The following EPHA6 variants were observed in gnomAD, a reference collection of about 807,000 sequenced individuals.
EPHA6 encodes ephrin type-A receptor 6.
A neutral mutation model predicts 112.0 loss-of-function variants in EPHA6; 50 were observed. That is an observed-to-expected ratio of 0.45 (90% CI 0.36 to 0.56). The LOEUF (loss-of-function observed/expected upper bound fraction) is 0.56, where lower values mean the gene tolerates loss of function less well. Among genes scored for constraint, EPHA6 ranks in the 20% least tolerant of loss-of-function variants. The pLI, the probability that EPHA6 is intolerant of heterozygous loss-of-function variation, is 0.00. For synonymous variants in EPHA6, 529 were observed against 490.7 expected (o/e 1.08, Z -1.03); for missense variants, 1,280 against 1,417.4 (o/e 0.90, Z 1.56).
chr3:97,201,009 G>T (rs184494534), intron 3 of EPHA6, among the ~76,000 whole-genome samples: 20 of 152,210 alleles, frequency 1.3e-4, no homozygotes, highest in African/African-American at 4.8e-4. Flanking sequence ...AATTACAGAT[G>T]AATTATAATG....
chr3:97,215,323 T>TTG (rs1012162212), intron 3 of EPHA6, among the ~76,000 whole-genome samples: 55 of 152,018 alleles, frequency 3.6e-4, no homozygotes, highest in African/African-American at 1.3e-3. Flanking sequence ...GAGACATACT[T>TTG]TGTGTGTGTG....
chr3:96,907,519 C>T (rs1304838756), intron 2 of EPHA6, among the ~76,000 whole-genome samples: 1 of 151,328 alleles, frequency 6.6e-6, no homozygotes, highest in African/African-American at 2.4e-5. Context: ...TTATAATTGC[C>T]TTAGTTTTAT....
intron 8 of EPHA6, 28 bp downstream of exon 8, chr3:97,475,488 G>T: frequency 6.8e-7 from 1 of 1,467,070 alleles, no homozygotes; most frequent in South Asian, 1.2e-5. Flanking sequence ...TACTATTTCC[G>T]AGATTTATGA....
In EPHA6 at chr3:96,826,227, G is replaced by A. The variant is rs2033649689; in HGVS notation, c.385+11219G>A. On this transcript the variant is annotated intron_variant, in intron 1 of 17. Transcript: ENST00000389672. ...TGATAGTAGATTATTTACTTAGGCTGTCAGAATCTGACTTATAACCAGACT... is the reference window on the plus strand; with the variant it reads ...TGATAGTAGATTATTTACTTAGGCTATCAGAATCTGACTTATAACCAGACT... Among the ~76,000 whole-genome samples the A allele has an allele frequency of 2.0e-5, 3 of 151,954 alleles. No individual in the cohort carries two copies. In the South Asian group the frequency reaches 6.2e-4, roughly 31 times the overall value.
At chr3:97,721,328 T>G (rs2034517723) in intron 15 of EPHA6, among the ~76,000 whole-genome samples, 1 of 152,166 alleles carries the variant, frequency 6.6e-6, no homozygotes, top group Non-Finnish European at 1.5e-5. Context: ...ACTATCCCAA[T>G]CTCAAGTTGT....
rs2091547521 is a variant in EPHA6, at chr3:97,481,547, C to T, written c.2074+2183C>T. The T allele has an allele frequency of 9.3e-6, 7 of 754,284 alleles. No individual in the cohort carries two copies. The South Asian group carries it at 9.5e-5, about 10-fold the overall frequency. 46.7% of individuals were successfully genotyped at this position (754,284 alleles called of 1,614,324 possible). A position where few individuals can be genotyped will look rare whatever the true frequency, so the allele number is the denominator to read the frequency against. ...AGTGCAGGCCCGGGGGTCCCTAGAG[C>T]CGCCGGGGCGCGGCGCGTCCGGCGC... On this transcript the variant is annotated intron_variant, in intron 9 of 17. Coordinates refer to ENST00000389672, the MANE Select transcript of EPHA6 (RefSeq NM_001080448.3).
At chr3:97,270,947 C>A (rs541385970) in intron 5 of EPHA6, among the ~76,000 whole-genome samples, 104 of 152,330 alleles carry the variant, frequency 6.8e-4, no homozygotes, top group Non-Finnish European at 9.3e-4. Context: ...GTTGCCCAAA[C>A]TCTGCTGTTG....
chr3:97,370,104 T>C (rs960462020), intron 5 of EPHA6, among the ~76,000 whole-genome samples: 2 of 152,178 alleles, frequency 1.3e-5, no homozygotes, highest in Non-Finnish European at 2.9e-5. Context: ...ACAACTCGTA[T>C]GGTAGCAAAA....
At chr3:97,565,640 A>C (rs891448707) in intron 11 of EPHA6, among the ~76,000 whole-genome samples, 1 of 152,194 alleles carries the variant, frequency 6.6e-6, no homozygotes, top group Admixed American at 6.5e-5. Context: ...CTACCAAGTA[A>C]ATACTGGAAG....
chr3:97,674,548 T>C (rs1412320257), intron 14 of EPHA6, among the ~76,000 whole-genome samples: 1 of 152,240 alleles, frequency 6.6e-6, no homozygotes, highest in African/African-American at 2.4e-5. Flanking sequence ...TAGCTTCTGC[T>C]GGTTTCTGCC....
intron 10 of EPHA6, among the ~76,000 whole-genome samples, chr3:97,485,113 A>G (rs1333799342): frequency 6.6e-6 from 1 of 152,156 alleles, no homozygotes; most frequent in Non-Finnish European, 1.5e-5. Flanking sequence ...GATGCTGGAG[A>G]TTTGTTTAAT....
intron 3 of EPHA6, among the ~76,000 whole-genome samples, chr3:97,107,630 C>T (rs1192749020): frequency 6.6e-6 from 1 of 151,926 alleles, no homozygotes; most frequent in East Asian, 1.9e-4. Flanking sequence ...GTGTTTTATC[C>T]CTTGTTTGCA....
In EPHA6 at chr3:97,677,999, A is replaced by C. The variant is rs548406058; in HGVS notation, c.2784+39917A>C. On this transcript the variant is annotated intron_variant, in intron 14 of 17. Transcript: ENST00000389672. Reference sequence around the variant, plus strand: ...ATGAAGGCAAAACCCAAAATACCTGAGGTTATTTACTCTTAGGGACTGTAT... The same window carrying C: ...ATGAAGGCAAAACCCAAAATACCTGCGGTTATTTACTCTTAGGGACTGTAT... Among the ~76,000 whole-genome samples the C allele has an allele frequency of 3.9e-5, 6 of 152,192 alleles. No homozygotes were observed. The South Asian group carries it at 1.2e-3, about 32-fold the overall frequency.
intron 2 of EPHA6, among the ~76,000 whole-genome samples, chr3:96,892,226 G>A (rs528305631): frequency 2.0e-5 from 3 of 151,872 alleles, no homozygotes; most frequent in African/African-American, 2.4e-5. Flanking sequence ...TTTTTTGTTC[G>A]TTTGTTTGTT....
chr3:97,138,207 G>A (rs2075811102), intron 3 of EPHA6, among the ~76,000 whole-genome samples: 2 of 152,154 alleles, frequency 1.3e-5, no homozygotes, highest in Admixed American at 1.3e-4. Flanking sequence ...TAGACTTCTA[G>A]ACTGTCTGAG....
intron 5 of EPHA6, among the ~76,000 whole-genome samples, chr3:97,312,279 C>T (rs563599849): frequency 5.5e-4 from 84 of 151,548 alleles, no homozygotes; most frequent in African/African-American, 2.0e-3. Context: ...ATTTTCATGA[C>T]CTATTATACC....
chr3:97,154,790 T>A (rs1171132057), intron 3 of EPHA6, among the ~76,000 whole-genome samples: 1 of 152,196 alleles, frequency 6.6e-6, no homozygotes, highest in Non-Finnish European at 1.5e-5. Flanking sequence ...AACCCTCATT[T>A]GTGCCCTCTA....
intron 11 of EPHA6, among the ~76,000 whole-genome samples, chr3:97,547,351 G>T (rs756044434): frequency 9.2e-5 from 14 of 152,294 alleles, no homozygotes; most frequent in Non-Finnish European, 2.1e-4. Context: ...GTCTCCCTGG[G>T]TTTCAGCAGC....
At chr3:97,460,784 C>T (rs115237579) in intron 7 of EPHA6, among the ~76,000 whole-genome samples, 2,288 of 152,186 alleles carry the variant, frequency 0.015, 51 homozygotes, top group African/African-American at 0.051. Context: ...CCTTGGGGTC[C>T]GCTGAGGTCT....
Sources: allele counts gnomAD v4.1 joint callset (sites outside exome capture counted in the v4.1 genomes callset), GRCh38; gene constraint gnomAD v4.1.1; transcripts MANE v1.5; gene names NCBI Gene and HGNC (gene_info 2026-07-23, HGNC 2026-07-21).